DENND1A: variants seen among roughly 807,000 people sequenced by gnomAD.
DENND1A encodes the protein DENN domain containing 1A, also known as DENN domain-containing protein 1A.
In DENND1A, 51 loss-of-function variants were observed where a neutral mutation model predicts 113.7. That is an observed-to-expected ratio of 0.45 (90% CI 0.36 to 0.57). The LOEUF is 0.57. Ranked by LOEUF, DENND1A falls within the 20% of genes least tolerant of loss-of-function variation. The pLI is 0.00. For missense variants in DENND1A, 1,258 were observed against 1,395.9 expected (o/e 0.90, Z 1.57); for synonymous variants, 565 against 570.8 (o/e 0.99, Z 0.14).
At chr9:123,607,486 G>GACACAC (rs1337200533) in intron 11 of DENND1A, among the ~76,000 whole-genome samples, 24 of 86,458 alleles carry the variant, frequency 2.8e-4, no homozygotes, top group African/African-American at 1.2e-3. Flanking sequence ...CACAGAGAGA[G>GACACAC]AGACACACAC....
chr9:123,415,199 C>G (rs2044625689), intron 19 of DENND1A, among the ~76,000 whole-genome samples: 1 of 152,158 alleles, frequency 6.6e-6, no homozygotes, highest in Non-Finnish European at 1.5e-5. Context: ...ACAACGGCAA[C>G]CAAGAACAGG....
chr9:123,454,496 G>C (rs1017733716), intron 16 of DENND1A, among the ~76,000 whole-genome samples: 2 of 152,194 alleles, frequency 1.3e-5, no homozygotes, highest in African/African-American at 4.8e-5. Context: ...GCTCTCCTTG[G>C]CTGGTTTCCT....
chr9:123,414,616 C>A, intron 19 of DENND1A: 11 of 1,550,026 alleles, frequency 7.1e-6, no homozygotes, highest in Non-Finnish European at 9.6e-6. Context: ...GCTGGTGAGT[C>A]TTGCAAGAAA....
At chr9:123,649,087 G>A (rs775547569) in intron 9 of DENND1A, among the ~76,000 whole-genome samples, 2 of 152,022 alleles carry the variant, frequency 1.3e-5, no homozygotes, top group Admixed American at 6.6e-5. Flanking sequence ...TCTTTCTCTG[G>A]CTTTTCCATA....
At chr9:123,564,968 T>C (rs1255569218) in intron 12 of DENND1A, among the ~76,000 whole-genome samples, 4 of 150,766 alleles carry the variant, frequency 2.7e-5, no homozygotes, top group Admixed American at 6.6e-5. Context: ...ATCCAATTAA[T>C]GTCTGTCCCT....
chr9:123,651,636 C>T (rs1346631312), intron 9 of DENND1A, among the ~76,000 whole-genome samples: 7 of 152,172 alleles, frequency 4.6e-5, no homozygotes, highest in African/African-American at 1.7e-4. Context: ...GTATTATCTA[C>T]TAAAAGGATT....
At chr9:123,892,441 C>T (rs1850063076) in intron 1 of DENND1A, among the ~76,000 whole-genome samples, 1 of 152,148 alleles carries the variant, frequency 6.6e-6, no homozygotes. Flanking sequence ...ACATATGAAA[C>T]AATGGTTTTC....
chr9:123,898,133 G>C (rs767733444), intron 1 of DENND1A, among the ~76,000 whole-genome samples: 1 of 151,970 alleles, frequency 6.6e-6, no homozygotes, highest in South Asian at 2.1e-4. Context: ...ATTCTATTGG[G>C]GGTGTAGGAG....
At chr9:123,436,678 T>G (rs1436267596) in intron 19 of DENND1A, among the ~76,000 whole-genome samples, 3 of 152,220 alleles carry the variant, frequency 2.0e-5, no homozygotes, top group African/African-American at 7.2e-5. Flanking sequence ...TTTGCTCTTA[T>G]AAGCTGAGTG....
intron 4 of DENND1A, among the ~76,000 whole-genome samples, chr9:123,758,832 C>T (rs529141736): frequency 1.5e-4 from 23 of 152,226 alleles, no homozygotes; most frequent in African/African-American, 5.5e-4. Context: ...GATGTAGTCT[C>T]GCTCTGTTGC....
chr9:123,685,556 C>G (rs1379576582), intron 5 of DENND1A, among the ~76,000 whole-genome samples: 1 of 152,176 alleles, frequency 6.6e-6, no homozygotes, highest in Non-Finnish European at 1.5e-5. Context: ...AAACAAGGCT[C>G]TTTTCTTTCT....
At chr9:123,590,735 G>A (rs2059417320) in intron 11 of DENND1A, among the ~76,000 whole-genome samples, 1 of 152,180 alleles carries the variant, frequency 6.6e-6, no homozygotes, top group Non-Finnish European at 1.5e-5. Flanking sequence ...GATGGGTTGT[G>A]ATAAATATAC....
chr9:123,879,100 A>T, intron 1 of DENND1A, 79 bp from the exon 2 acceptor site: 1 of 1,409,338 alleles, frequency 7.1e-7, no homozygotes, highest in Non-Finnish European at 9.9e-7. Flanking sequence ...GGTATTAAAC[A>T]GATCTTCCTT....
At chr9:123,483,820 G>C (rs1375908716) in intron 13 of DENND1A, among the ~76,000 whole-genome samples, 1 of 152,204 alleles carries the variant, frequency 6.6e-6, no homozygotes, top group Non-Finnish European at 1.5e-5. Flanking sequence ...GCGAGGCACA[G>C]ACAGATTTCA....
At chr9:123,640,492 G>A (rs1388800025) in intron 9 of DENND1A, among the ~76,000 whole-genome samples, 2 of 152,192 alleles carry the variant, frequency 1.3e-5, no homozygotes, top group Non-Finnish European at 2.9e-5. Flanking sequence ...TGGTCCGTAC[G>A]CAAAACCTCT....
intron 12 of DENND1A, among the ~76,000 whole-genome samples, chr9:123,561,992 G>C (rs183887630): frequency 6.6e-6 from 1 of 152,264 alleles, no homozygotes; most frequent in Admixed American, 6.5e-5. Context: ...CTCTGGCCCA[G>C]ACTAGTGGAG....
At chr9:123,637,314 A>G (rs1331964793) in intron 9 of DENND1A, among the ~76,000 whole-genome samples, 1 of 152,232 alleles carries the variant, frequency 6.6e-6, no homozygotes, top group African/African-American at 2.4e-5. Flanking sequence ...CATCTTATTT[A>G]GAGCAGCTGT....
intron 5 of DENND1A, among the ~76,000 whole-genome samples, chr9:123,691,790 C>G (rs1160504559): frequency 1.3e-5 from 2 of 152,056 alleles, no homozygotes; most frequent in Admixed American, 1.3e-4. Context: ...AATTTTAAGA[C>G]CAATGTGGCT....
intron 4 of DENND1A, among the ~76,000 whole-genome samples, chr9:123,763,854 A>C (rs553053112): frequency 2.6e-5 from 4 of 152,272 alleles, no homozygotes; most frequent in African/African-American, 9.6e-5. Context: ...GCTCTAGTTG[A>C]ATGACAGAAG....
Sources: gnomAD v4.1 joint callset for allele counts (sites outside exome capture counted in the v4.1 genomes callset) on GRCh38, gnomAD v4.1.1 for gene constraint, MANE v1.5 for transcripts, NCBI Gene and HGNC (gene_info 2026-07-23, HGNC 2026-07-21) for gene names.